The following PRKG1 variants were observed in gnomAD, a reference collection of about 807,000 sequenced individuals.
PRKG1 encodes protein kinase cGMP-dependent 1, also known as cGMP-dependent protein kinase 1.
Under a neutral mutation model 88.1 loss-of-function variants are expected in PRKG1, and 35 were observed. The ratio of observed to expected loss-of-function variants is 0.40; its 90% confidence interval spans 0.30 to 0.53. The LOEUF (loss-of-function observed/expected upper bound fraction) is 0.53. PRKG1 is among the 20% of genes least tolerant of loss of function. PRKG1 has a pLI of 0.59. For synonymous variants in PRKG1, 303 were observed against 292.5 expected (o/e 1.04, Z -0.37); for missense variants, 540 against 839.8 (o/e 0.64, Z 4.41).
At chr10:51,514,606 T>C (rs1472622862) in intron 3 of PRKG1, among the ~76,000 whole-genome samples, 1 of 152,192 alleles carries the variant, frequency 6.6e-6, no homozygotes, top group African/African-American at 2.4e-5. Context: ...TCTGAATCTG[T>C]AGAATATCAA....
intron 4 of PRKG1, among the ~76,000 whole-genome samples, chr10:51,805,541 G>T (rs1436131936): frequency 6.6e-6 from 1 of 151,932 alleles, no homozygotes; most frequent in Non-Finnish European, 1.5e-5. Flanking sequence ...CATATAATGA[G>T]TGTACTGCTA....
chr10:51,550,406 A>G (rs1037584205), intron 3 of PRKG1, among the ~76,000 whole-genome samples: 3 of 151,986 alleles, frequency 2.0e-5, no homozygotes, highest in African/African-American at 4.8e-5. Flanking sequence ...TGAAATCTCC[A>G]TATAATTTTA....
At chr10:51,016,270 T>G (rs559557319) in intron 1 of PRKG1, among the ~76,000 whole-genome samples, 48 of 152,324 alleles carry the variant, frequency 3.2e-4, no homozygotes, top group Non-Finnish European at 5.3e-4. Flanking sequence ...CTGTATTAAT[T>G]ACTCTGCCAG....
intron 17 of PRKG1, among the ~76,000 whole-genome samples, chr10:52,291,477 T>C (rs1357229439): frequency 7.0e-6 from 1 of 143,568 alleles, no homozygotes; most frequent in African/African-American, 2.6e-5. Flanking sequence ...CATTGTTCAG[T>C]TCCCACCTAT....
At chr10:51,846,492 A>C (rs1840401874) in intron 4 of PRKG1, among the ~76,000 whole-genome samples, 1 of 152,146 alleles carries the variant, frequency 6.6e-6, no homozygotes, top group South Asian at 2.1e-4. Context: ...GGTTCTACTA[A>C]ATCTATAATG....
chr10:52,135,877 G>T (rs1192747213), intron 8 of PRKG1, among the ~76,000 whole-genome samples: 1 of 152,028 alleles, frequency 6.6e-6, no homozygotes, highest in Non-Finnish European at 1.5e-5. Context: ...TTGCATGAAA[G>T]AATCGAGAAG....
chr10:51,528,360 A>G (rs747124803), intron 3 of PRKG1, among the ~76,000 whole-genome samples: 2 of 152,214 alleles, frequency 1.3e-5, no homozygotes, highest in Admixed American at 1.3e-4. Flanking sequence ...TAATGTGTGA[A>G]TATGGCAAAA....
chr10:51,216,945 T>G (rs917504825), intron 2 of PRKG1, among the ~76,000 whole-genome samples: 4 of 152,166 alleles, frequency 2.6e-5, no homozygotes, highest in Admixed American at 2.0e-4. Flanking sequence ...AATAAAATCA[T>G]TGTCATTTTC....
intron 2 of PRKG1, among the ~76,000 whole-genome samples, chr10:51,393,681 AT>A (rs1837500638): frequency 6.6e-6 from 1 of 152,166 alleles, no homozygotes; most frequent in Admixed American, 6.5e-5. Context: ...ATCCCAAAGA[AT>A]TTCACGTTTT....
intron 3 of PRKG1, among the ~76,000 whole-genome samples, chr10:51,497,106 C>T (rs1840881351): frequency 6.6e-6 from 1 of 152,188 alleles, no homozygotes; most frequent in Non-Finnish European, 1.5e-5. Flanking sequence ...ACATACAGTA[C>T]TAGCTAGTTG....
chr10:52,211,190 G>A (rs929282094), intron 9 of PRKG1, among the ~76,000 whole-genome samples: 33 of 152,014 alleles, frequency 2.2e-4, no homozygotes, highest in Non-Finnish European at 2.5e-4. Flanking sequence ...CTGTATACAC[G>A]TATCATGTTC....
chr10:51,304,911 G>C (rs771953364), intron 2 of PRKG1, among the ~76,000 whole-genome samples: 8 of 151,798 alleles, frequency 5.3e-5, no homozygotes, highest in Non-Finnish European at 1.2e-4. Context: ...ACTTCCTTAC[G>C]TCACATTACT....
chr10:51,126,352 T>C (rs1334981361), intron 1 of PRKG1, among the ~76,000 whole-genome samples: 2 of 133,934 alleles, frequency 1.5e-5, no homozygotes, highest in Non-Finnish European at 1.5e-5. Context: ...TTATACTTTA[T>C]ATTTTATTAT....
chr10:52,290,656 G>A (rs557904999), intron 17 of PRKG1, among the ~76,000 whole-genome samples: 1 of 152,088 alleles, frequency 6.6e-6, no homozygotes, highest in East Asian at 1.9e-4. Flanking sequence ...AGACCAGCCA[G>A]CCTGGACAAC....
At chr10:51,635,676 T>A (rs1839639852) in intron 3 of PRKG1, among the ~76,000 whole-genome samples, 1 of 152,166 alleles carries the variant, frequency 6.6e-6, no homozygotes. Context: ...TGTGAATTGC[T>A]TTAACACATG....
chr10:51,676,198 T>A (rs1840706225), intron 3 of PRKG1, among the ~76,000 whole-genome samples: 1 of 143,106 alleles, frequency 7.0e-6, no homozygotes, highest in Non-Finnish European at 1.6e-5. Context: ...TTTGAATTTA[T>A]ATTCAAATTA....
intron 3 of PRKG1, among the ~76,000 whole-genome samples, chr10:51,668,776 C>A (rs999176879): frequency 1.3e-4 from 20 of 151,896 alleles, no homozygotes; most frequent in Non-Finnish European, 2.9e-5. Flanking sequence ...ATTACAAAGC[C>A]CATCTCCTCA....
chr10:51,928,633 C>A (rs563220963), intron 5 of PRKG1, among the ~76,000 whole-genome samples: 1 of 152,126 alleles, frequency 6.6e-6, no homozygotes, highest in Non-Finnish European at 1.5e-5. Context: ...TAAGGGTTAT[C>A]GGATATTTTC....
At chr10:51,743,324 C>T in intron 3 of PRKG1, among the ~76,000 whole-genome samples, 1 of 151,862 alleles carries the variant, frequency 6.6e-6, no homozygotes, top group Admixed American at 6.6e-5. Context: ...GGGTGGGTGC[C>T]CATGTGTGCA....
Sources: allele counts gnomAD v4.1 joint callset (sites outside exome capture counted in the v4.1 genomes callset), GRCh38; gene constraint gnomAD v4.1.1; transcripts MANE v1.5; gene names NCBI Gene and HGNC (gene_info 2026-07-23, HGNC 2026-07-21).